The following HECW2 variants were observed in gnomAD, a reference collection of about 807,000 sequenced individuals.
HECW2 encodes the protein HECT, C2 and WW domain containing E3 ubiquitin protein ligase 2.
Under a neutral mutation model 175.2 loss-of-function variants are expected in HECW2, and 61 were observed. The ratio of observed to expected loss-of-function variants is 0.35; its 90% CI spans 0.28 to 0.43. The LOEUF (loss-of-function observed/expected upper bound fraction) is 0.43, where lower values mean the gene tolerates loss of function less well. Among genes scored for constraint, HECW2 ranks in the 20% least tolerant of loss-of-function variants. The pLI is 1.00. For missense variants in HECW2, 1,524 were observed against 2,000.5 expected, an observed-to-expected ratio of 0.76 and a Z score of 4.54; for synonymous variants, 671 against 731.0, an observed-to-expected ratio of 0.92 and a Z score of 1.32.
chr2:196,345,581 A>C (rs1460924553), intron 2 of HECW2, among the ~76,000 whole-genome samples: 1 of 152,206 alleles, frequency 6.6e-6, no homozygotes, highest in Non-Finnish European at 1.5e-5. Flanking sequence ...GCAAGACGCA[A>C]TCAGGATGAT....
At chr2:196,579,218 C>A (rs1690674657) in intron 1 of HECW2, among the ~76,000 whole-genome samples, 1 of 152,060 alleles carries the variant, frequency 6.6e-6, no homozygotes. Context: ...ACAGTATCAT[C>A]AGGAATTATG....
intron 1 of HECW2, among the ~76,000 whole-genome samples, chr2:196,521,977 T>G (rs1215000615): frequency 6.6e-6 from 1 of 152,168 alleles, no homozygotes; most frequent in Non-Finnish European, 1.5e-5. Flanking sequence ...GCATGATTTA[T>G]AGTCCTTTGG....
intron 2 of HECW2, among the ~76,000 whole-genome samples, chr2:196,358,088 A>C (rs1168088462): frequency 6.6e-6 from 1 of 152,166 alleles, no homozygotes; most frequent in Admixed American, 6.5e-5. Flanking sequence ...GTAACAGCTG[A>C]TTTGGGTTTA....
At chr2:196,215,671 G>T (rs1687452135) in intron 28 of HECW2, among the ~76,000 whole-genome samples, 194 bp downstream of exon 28, 1 of 152,214 alleles carries the variant, frequency 6.6e-6, no homozygotes, top group East Asian at 1.9e-4. Context: ...AGATATGGAT[G>T]TATGTATTTT....
chr2:196,331,108 A>G (rs34487428), intron 4 of HECW2: 42,136 of 979,570 alleles, frequency 0.043, 979 homozygotes, highest in South Asian at 0.055. Context: ...ACCTTAGTCA[A>G]ACTATTTTGT....
intron 1 of HECW2, among the ~76,000 whole-genome samples, chr2:196,434,606 C>T (rs1431923077): frequency 6.6e-6 from 1 of 152,224 alleles, no homozygotes; most frequent in African/African-American, 2.4e-5. Context: ...TTACCTCACT[C>T]GGATCTCACT....
At chr2:196,337,365 G>A (rs1208811798) in intron 3 of HECW2, among the ~76,000 whole-genome samples, 1 of 151,242 alleles carries the variant, frequency 6.6e-6, no homozygotes, top group Non-Finnish European at 1.5e-5. Context: ...ACAAAGGCAG[G>A]TGGAAGTAAG....
At chr2:196,510,985 A>T (rs1032122662) in intron 1 of HECW2, among the ~76,000 whole-genome samples, 2 of 151,966 alleles carry the variant, frequency 1.3e-5, no homozygotes, top group Non-Finnish European at 2.9e-5. Flanking sequence ...GTTTGTTTTG[A>T]GACAGGGTCT....
chr2:196,366,009 C>A (rs978608466), intron 2 of HECW2, among the ~76,000 whole-genome samples: 1 of 152,176 alleles, frequency 6.6e-6, no homozygotes, highest in East Asian at 1.9e-4. Context: ...AGCTTCCCCC[C>A]ACAATAACTA....
chr2:196,387,327 GT>G (rs1694377953), intron 2 of HECW2, among the ~76,000 whole-genome samples: 1 of 152,100 alleles, frequency 6.6e-6, no homozygotes, highest in Non-Finnish European at 1.5e-5. Flanking sequence ...CCTTTAAGCA[GT>G]GATTAGGTCA....
At position 196,231,926 on chromosome 2, in the gene HECW2, T is replaced by C. The variant is rs1179644697; in HGVS notation, c.3765-3672A>G. ...ATGGCGTGAACCCAGGAGGCAGAGC[T>C]TGCAGTGAGCAGAGATCGCGCCACT... On this transcript the variant is annotated intron_variant, in intron 21 of 28. Transcript: ENST00000644978. Among the ~76,000 whole-genome samples the C allele has an allele frequency of 1.1e-4, 17 of 152,068 alleles. 1 individual carries two copies. Among genetic ancestry groups the C allele is most frequent in the Admixed American group, 9.2e-4 (14 of 15,278 alleles).
chr2:196,304,307 C>A (rs574061469), intron 13 of HECW2, among the ~76,000 whole-genome samples: 1 of 152,048 alleles, frequency 6.6e-6, no homozygotes, highest in Non-Finnish European at 1.5e-5. Context: ...CTTGGAAAGG[C>A]CTTCCTGTCC....
chr2:196,346,986 C>T (rs1437325175), intron 2 of HECW2, among the ~76,000 whole-genome samples: 2 of 137,828 alleles, frequency 1.5e-5, no homozygotes, highest in Non-Finnish European at 3.0e-5. Context: ...CTAGCCTGGG[C>T]GACAGAGTGA....
intron 14 of HECW2, 116 bp from the exon 15 acceptor site, chr2:196,278,778 C>A: frequency 8.4e-7 from 1 of 1,190,438 alleles, no homozygotes; most frequent in African/African-American, 1.5e-5. Flanking sequence ...TCTATTTTCT[C>A]ATAATTTTCA....
intron 3 of HECW2, among the ~76,000 whole-genome samples, chr2:196,336,821 G>A (rs915029994): frequency 1.3e-5 from 2 of 152,240 alleles, no homozygotes; most frequent in Admixed American, 1.3e-4. Flanking sequence ...AGTAGATTTT[G>A]TGGGCATGAT....
rs1404276685 is a variant in HECW2, at chr2:196,324,996, G to A, written c.725C>T (p.Pro242Leu). Residue 242 changes from proline to leucine, a missense_variant, in exon 6 of 29, where the codon CCA becomes CTA. Transcript: ENST00000644978. ...RSTIISNTTN[P>L]IWHREKYSFF... The stretch of plus-strand genomic sequence containing the variant: ...TCATCTTACCTCTCGGTGCCAAATT[G>A]GATTGGTGGTGTTACTGATGATAGT... 1 of 1,581,604 alleles carries A rather than the reference G, an allele frequency of 6.3e-7. No individual in the cohort carries two copies.
intron 1 of HECW2, among the ~76,000 whole-genome samples, chr2:196,577,039 C>T (rs1690586093): frequency 6.6e-6 from 1 of 152,028 alleles, no homozygotes; most frequent in South Asian, 2.1e-4. Context: ...CAAAATGATG[C>T]AAATAACGGA....
intron 1 of HECW2, among the ~76,000 whole-genome samples, chr2:196,496,975 T>C (rs1202984018): frequency 6.6e-6 from 1 of 152,194 alleles, no homozygotes; most frequent in Non-Finnish European, 1.5e-5. Flanking sequence ...ACCTAAGTCT[T>C]GGTATCTGCC....
intron 1 of HECW2, among the ~76,000 whole-genome samples, chr2:196,520,697 T>C (rs1450339639): frequency 8.5e-5 from 13 of 152,196 alleles, no homozygotes; most frequent in Admixed American, 8.5e-4. Flanking sequence ...TCACATCAGT[T>C]TGTAACACAA....
Sources: gnomAD v4.1 joint callset for allele counts (sites outside exome capture counted in the v4.1 genomes callset) on GRCh38, gnomAD v4.1.1 for gene constraint, MANE v1.5 for transcripts, NCBI Gene and HGNC (gene_info 2026-07-23, HGNC 2026-07-21) for gene names.